GABRA2: variants seen among roughly 807,000 people sequenced by gnomAD.
GABRA2 encodes gamma-aminobutyric acid type A receptor subunit alpha2.
In GABRA2, 16 loss-of-function variants were observed where a neutral mutation model predicts 48.7. The observed-to-expected ratio is 0.33, with a 90% CI of 0.22 to 0.50. GABRA2 has a LOEUF of 0.50. GABRA2 is among the 20% of genes least tolerant of loss of function. The probability of loss-of-function intolerance (pLI) is 0.98; values close to 1 mark genes in which losing one functional copy is unlikely to be tolerated. For missense variants in GABRA2, 275 were observed against 535.6 expected (o/e 0.51, Z 4.80); for synonymous variants, 185 against 184.5 (o/e 1.00, Z -0.02).
chr4:46,312,773 G>T (rs550821534), intron 4 of GABRA2, 57 bp from the exon 5 acceptor site: 3 of 837,414 alleles, frequency 3.6e-6, no homozygotes, highest in Non-Finnish European at 3.6e-6. Context: ...CACAAGACAC[G>T]GTAAAATTCC....
At chr4:46,345,998 C>T (rs980365139) in intron 3 of GABRA2, among the ~76,000 whole-genome samples, 2 of 151,852 alleles carry the variant, frequency 1.3e-5, no homozygotes, top group African/African-American at 2.4e-5. Flanking sequence ...TAATTTTGCT[C>T]ATCTTGTATC....
At chr4:46,256,102 T>A (rs115503894) in intron 9 of GABRA2, 2 of 443,036 alleles carry the variant, frequency 4.5e-6, no homozygotes, top group Non-Finnish European at 8.1e-6. Context: ...ACTAGAAAGC[T>A]CATTACTTGT....
intron 8 of GABRA2, chr4:46,302,380 T>G (rs548627396): frequency 1.6e-4 from 24 of 152,260 alleles, no homozygotes; most frequent in African/African-American, 5.5e-4. Flanking sequence ...TTTAAAGTAC[T>G]AATATCTTTA....
chr4:46,304,371 C>A (rs1335553030), intron 7 of GABRA2, among the ~76,000 whole-genome samples: 1 of 152,146 alleles, frequency 6.6e-6, no homozygotes, highest in Non-Finnish European at 1.5e-5. Flanking sequence ...TCAGTCACTT[C>A]TATCTAATCC....
chr4:46,342,131 G>T (rs966955310), intron 3 of GABRA2, among the ~76,000 whole-genome samples: 1 of 152,046 alleles, frequency 6.6e-6, no homozygotes, highest in African/African-American at 2.4e-5. Context: ...TGTGCATGGA[G>T]AATGCAGAAA....
chr4:46,257,601 A>G (rs540905028), intron 9 of GABRA2, among the ~76,000 whole-genome samples: 2 of 151,864 alleles, frequency 1.3e-5, no homozygotes, highest in East Asian at 3.9e-4. Flanking sequence ...AAACAAACAT[A>G]AGAGAAAACT....
intron 3 of GABRA2, among the ~76,000 whole-genome samples, chr4:46,376,190 T>C (rs766020038): frequency 4.6e-5 from 7 of 152,268 alleles, no homozygotes; most frequent in Non-Finnish European, 1.0e-4. Context: ...ATAATTTCAT[T>C]TGACTCTTTC....
intron 3 of GABRA2, among the ~76,000 whole-genome samples, chr4:46,354,413 C>A (rs1735646233): frequency 6.6e-6 from 1 of 152,166 alleles, no homozygotes; most frequent in Admixed American, 6.6e-5. Context: ...ATTCCAGAAT[C>A]TAATCCTAAT....
intron 3 of GABRA2, among the ~76,000 whole-genome samples, chr4:46,350,331 G>A (rs1734910168): frequency 6.6e-6 from 1 of 151,690 alleles, no homozygotes. Flanking sequence ...TAAATGTTTG[G>A]GAGATAATAT....
intron 8 of GABRA2, among the ~76,000 whole-genome samples, chr4:46,280,242 T>C (rs1721275316): frequency 6.6e-6 from 1 of 151,876 alleles, no homozygotes; most frequent in Non-Finnish European, 1.5e-5. Context: ...TTAAGTCAGG[T>C]TGGAAAATAG....
chr4:46,310,338 T>C (rs1187430852), intron 5 of GABRA2, 83 bp from the exon 6 acceptor site: 10 of 921,242 alleles, frequency 1.1e-5, no homozygotes, highest in African/African-American at 8.1e-5. Flanking sequence ...ACAGACTCGA[T>C]AGAGGTAGAG....
At chr4:46,253,486 G>A (rs2109390809) in intron 9 of GABRA2, among the ~76,000 whole-genome samples, 1 of 151,524 alleles carries the variant, frequency 6.6e-6, no homozygotes, top group South Asian at 2.1e-4. Flanking sequence ...GTTAAAACTC[G>A]TTCCAAGTTA....
intron 8 of GABRA2, among the ~76,000 whole-genome samples, chr4:46,283,476 A>G (rs150353326): frequency 2.6e-5 from 4 of 152,330 alleles, no homozygotes; most frequent in African/African-American, 9.6e-5. Flanking sequence ...CCACATGGGA[A>G]AAGAAAAGAA....
At chr4:46,376,970 C>T (rs1715821578) in intron 3 of GABRA2, among the ~76,000 whole-genome samples, 2 of 152,156 alleles carry the variant, frequency 1.3e-5, no homozygotes, top group African/African-American at 4.8e-5. Flanking sequence ...CTCCTAACCG[C>T]AAGTGATCCA....
rs752169721 is a variant in GABRA2 at position 46,304,656 on chromosome 4, G to A, written c.703+912C>T. ...AGAAATTATCACTTGTTGGCCGGGC[G>A]CACTGGCTCACGTCTGTAATCCCAG... On this transcript the variant is annotated intron_variant, in intron 7 of 9. Transcript: ENST00000381620. 2.8e-4 allele frequency among the ~76,000 whole-genome samples: 43 copies of A among 152,030 alleles called. 1 individual carries two copies. Among genetic ancestry groups the A allele is most frequent in the Admixed American group, 5.2e-4 (8 of 15,280 alleles).
At position 46,248,074 on chromosome 4, in the gene GABRA2, T is replaced by C. The variant is rs1238507432; in HGVS notation, c.*2234A>G. On this transcript the variant is annotated 3_prime_UTR_variant, in exon 10 of 10. Transcript: ENST00000381620. ...TGCCATCAATATAGTAGCAGCTCTTTGCCCAAAGTATAGATAAGCCTTTTC... is the reference window on the plus strand; with the variant it reads ...TGCCATCAATATAGTAGCAGCTCTTCGCCCAAAGTATAGATAAGCCTTTTC... Among the ~76,000 whole-genome samples the C allele has an allele frequency of 6.6e-6, 1 of 151,382 alleles. No homozygotes were observed. Among genetic ancestry groups the C allele is most frequent in the Non-Finnish European group, 1.5e-5 (1 of 67,542 alleles).
In GABRA2 at chr4:46,375,039, G is replaced by T. The variant is rs73812859; in HGVS notation, c.187+11035C>A. Among the ~76,000 whole-genome samples the T allele has an allele frequency of 1.9e-3, 287 of 152,058 alleles. 1 individual carries two copies. The highest frequency in any genetic ancestry group is 6.7e-3 in the African/African-American group (277 of 41,498). On this transcript the variant is annotated intron_variant, in intron 3 of 9. Coordinates refer to ENST00000381620, the MANE Select transcript of GABRA2 (RefSeq NM_000807.4). ...ATAAACAACAAGGAATATAGAGAAG[G>T]TGAAATAGATTTAACTCATGTATCA...
chr4:46,338,256 G>A (rs1055061133), intron 3 of GABRA2, among the ~76,000 whole-genome samples: 1 of 147,518 alleles, frequency 6.8e-6, no homozygotes, highest in Admixed American at 7.0e-5. Flanking sequence ...AGGCAGTAAC[G>A]ATGTTATTCT....
At chr4:46,318,084 G>A (rs954559404) in intron 4 of GABRA2, among the ~76,000 whole-genome samples, 11 of 151,398 alleles carry the variant, frequency 7.3e-5, no homozygotes, top group Admixed American at 6.6e-4. Context: ...AAGTATTAAT[G>A]TGATATAAAT....
Sources: allele counts gnomAD v4.1 joint callset (sites outside exome capture counted in the v4.1 genomes callset), GRCh38; gene constraint gnomAD v4.1.1; transcripts MANE v1.5; gene names NCBI Gene and HGNC (gene_info 2026-07-23, HGNC 2026-07-21).